Variants in BRD10 observed in about 807,000 individuals in gnomAD.
The protein encoded by BRD10 is bromodomain containing 10.
chr9:5,981,870 C>T, the BRD10 span, among the ~76,000 whole-genome samples: 38 of 152,066 alleles, frequency 2.5e-4, no homozygotes, highest in Middle Eastern at 3.4e-3. Context: ...AGCTCAGATA[C>T]GTAAATAAAT....
At chr9:5,999,075 A>G in the BRD10 span, among the ~76,000 whole-genome samples, 13 of 152,052 alleles carry the variant, frequency 8.5e-5, no homozygotes, top group African/African-American at 3.1e-4. Flanking sequence ...TATTGTCAAT[A>G]TGTTTATAAT....
chr9:5,938,967 T>A, the BRD10 span, among the ~76,000 whole-genome samples: 4 of 152,168 alleles, frequency 2.6e-5, no homozygotes, highest in African/African-American at 9.6e-5. Context: ...TATACTGTAG[T>A]ACAACAGATT....
the BRD10 span, among the ~76,000 whole-genome samples, chr9:5,975,358 G>A: frequency 9.7e-4 from 133 of 136,798 alleles, no homozygotes; most frequent in African/African-American, 3.3e-3. Flanking sequence ...AGAATCGCTT[G>A]AACCTGGGAA....
the BRD10 span, among the ~76,000 whole-genome samples, chr9:5,964,478 C>T: frequency 1.4e-5 from 2 of 146,846 alleles, no homozygotes; most frequent in Admixed American, 6.7e-5. Flanking sequence ...CTAGTTCATC[C>T]ATTGTGGAAG....
At chr9:5,921,695 T>C in the BRD10 span, 3 of 1,613,860 alleles carry the variant, frequency 1.9e-6, no homozygotes, top group South Asian at 3.3e-5. Flanking sequence ...AGTTGGAGTA[T>C]GAATAATATT....
the BRD10 span, chr9:5,922,560 T>C: frequency 1.9e-6 from 3 of 1,613,956 alleles, no homozygotes; most frequent in Non-Finnish European, 2.5e-6. Context: ...AAAGAAGAAT[T>C]TATATTTGTT....
the BRD10 span, among the ~76,000 whole-genome samples, chr9:5,884,518 C>G: frequency 2.8e-4 from 42 of 152,164 alleles, no homozygotes; most frequent in African/African-American, 1.0e-3. Context: ...CCGTCCTCAC[C>G]CGAAGTTATG....
the BRD10 span, among the ~76,000 whole-genome samples, chr9:5,983,048 G>C: frequency 1.3e-5 from 2 of 152,110 alleles, no homozygotes; most frequent in Non-Finnish European, 2.9e-5. Context: ...CTGCTGACAC[G>C]GAGAGCCAAC....
chr9:5,913,894 A>C, the BRD10 span: 1 of 344,202 alleles, frequency 2.9e-6, no homozygotes, highest in East Asian at 9.0e-5. Flanking sequence ...AATGCAGCTC[A>C]TATGAAAATA....
At chr9:5,924,626 G>C in the BRD10 span, 5 of 1,340,688 alleles carry the variant, frequency 3.7e-6, no homozygotes, top group East Asian at 4.9e-5. Context: ...TGTGCCTTCA[G>C]TGTTGACTTA....
At chr9:5,935,419 C>G in the BRD10 span, among the ~76,000 whole-genome samples, 1 of 152,318 alleles carries the variant, frequency 6.6e-6, no homozygotes, top group Admixed American at 6.5e-5. Flanking sequence ...AGGTCACATT[C>G]CTGGTAAGGT....
At chr9:5,879,152 A>G in the BRD10 span, among the ~76,000 whole-genome samples, 1 of 152,154 alleles carries the variant, frequency 6.6e-6, no homozygotes, top group African/African-American at 2.4e-5. Flanking sequence ...CTTCCAGAAG[A>G]ATACAAAGAA....
At chr9:5,887,281 TCAAA>T in the BRD10 span, among the ~76,000 whole-genome samples, 5 of 151,892 alleles carry the variant, frequency 3.3e-5, no homozygotes, top group African/African-American at 4.8e-5. Flanking sequence ...AAAAAATATC[TCAAA>T]CAAGCTGGAG....
chr9:5,920,492 A>G, the BRD10 span: 4 of 1,613,884 alleles, frequency 2.5e-6, no homozygotes, highest in Non-Finnish European at 3.4e-6. Context: ...GGTTTTTACT[A>G]AAGCTTGCTG....
chr9:5,932,522 T>G, the BRD10 span, among the ~76,000 whole-genome samples: 1 of 152,160 alleles, frequency 6.6e-6, no homozygotes, highest in Non-Finnish European at 1.5e-5. Flanking sequence ...TTAAATCACA[T>G]TTACATTGTA....
the BRD10 span, among the ~76,000 whole-genome samples, chr9:6,008,442 C>T: frequency 6.6e-6 from 1 of 151,810 alleles, no homozygotes; most frequent in Non-Finnish European, 1.5e-5. Context: ...TGGAGAGAAG[C>T]AAAGAAAGAG....
the BRD10 span, chr9:5,921,946 T>C: frequency 1.9e-5 from 31 of 1,613,922 alleles, no homozygotes; most frequent in East Asian, 3.8e-4. Flanking sequence ...AAGTTGGTGT[T>C]TGGCTAAAAG....
chr9:5,912,648 G>C, the BRD10 span, among the ~76,000 whole-genome samples: 1 of 152,194 alleles, frequency 6.6e-6, no homozygotes, highest in African/African-American at 2.4e-5. Context: ...TTTGTAGATA[G>C]ATAGGATGAG....
the BRD10 span, chr9:5,919,755 G>T: frequency 1.2e-6 from 2 of 1,613,498 alleles, no homozygotes; most frequent in South Asian, 2.2e-5. Context: ...GCAGGACTTC[G>T]ACTGGCAGAT....
Sources: gnomAD v4.1 joint callset for allele counts (sites outside exome capture counted in the v4.1 genomes callset) on GRCh38, gnomAD v4.1.1 for gene constraint, MANE v1.5 for transcripts, NCBI Gene and HGNC (gene_info 2026-07-23, HGNC 2026-07-21) for gene names.